The following TMEM178B variants were observed in gnomAD, a reference collection of about 807,000 sequenced individuals.
TMEM178B encodes transmembrane protein 178B.
Under a neutral mutation model 31.0 loss-of-function variants are expected in TMEM178B, and 5 were observed. The ratio of observed to expected loss-of-function variants is 0.16; its 90% CI spans 0.08 to 0.34. The LOEUF is 0.34. Among genes scored for constraint, TMEM178B ranks in the 10% least tolerant of loss-of-function variants. The pLI is 1.00. For missense variants in TMEM178B, 275 were observed against 400.3 expected, an observed-to-expected ratio of 0.69 and a Z score of 2.67; for synonymous variants, 164 against 164.0, an observed-to-expected ratio of 1.00 and a Z score of 0.00.
In TMEM178B at chr7:141,165,717, T is replaced by G. The variant is rs576016276; in HGVS notation, c.383-46874T>G. Among the ~76,000 whole-genome samples, 5 of 152,344 alleles carry G rather than the reference T, an allele frequency of 3.3e-5. No individual in the cohort carries two copies. The South Asian group carries it at 8.3e-4, about 25-fold the overall frequency. On this transcript the variant is annotated intron_variant, in intron 1 of 3. Transcript: ENST00000565468. ...ACAGCTGGAATTTAGTGTAGTGTAA[T>G]GAGTGGTGAAGAGCTTTGACTGGGG...
chr7:141,138,853 A>G (rs987823012), intron 1 of TMEM178B, among the ~76,000 whole-genome samples: 1 of 151,796 alleles, frequency 6.6e-6, no homozygotes, highest in Non-Finnish European at 1.5e-5. Context: ...GTGTGGTGGC[A>G]CGTGCCTGTA....
intron 1 of TMEM178B, among the ~76,000 whole-genome samples, chr7:141,138,779 G>C (rs1359473912): frequency 6.6e-6 from 1 of 151,708 alleles, no homozygotes; most frequent in Non-Finnish European, 1.5e-5. Context: ...TCAGGAGACC[G>C]AGACCATCCT....
At chr7:141,312,939 A>G (rs1225153124) in intron 2 of TMEM178B, among the ~76,000 whole-genome samples, 3 of 152,182 alleles carry the variant, frequency 2.0e-5, no homozygotes. Flanking sequence ...AGTTTTAAAT[A>G]ACAGATGTCC....
chr7:141,421,562 G>A (rs1200520673), intron 2 of TMEM178B, among the ~76,000 whole-genome samples: 1 of 152,184 alleles, frequency 6.6e-6, no homozygotes, highest in East Asian at 1.9e-4. Context: ...TCTCACCCTA[G>A]TTCTGCTGCT....
chr7:141,506,480 CT>C, the TMEM178B span, among the ~76,000 whole-genome samples: 3 of 152,172 alleles, frequency 2.0e-5, no homozygotes, highest in Non-Finnish European at 4.4e-5. Context: ...GGAGAAACCC[CT>C]GATAAACCCA....
intron 2 of TMEM178B, among the ~76,000 whole-genome samples, chr7:141,301,472 T>TC (rs1798725217): frequency 6.6e-6 from 1 of 152,194 alleles, no homozygotes; most frequent in Non-Finnish European, 1.5e-5. Flanking sequence ...ATTTTTTTTT[T>TC]CTCTTGTAGG....
chr7:141,188,997 C>G (rs1307685195), intron 1 of TMEM178B, among the ~76,000 whole-genome samples: 5 of 152,210 alleles, frequency 3.3e-5, no homozygotes, highest in South Asian at 2.1e-4. Flanking sequence ...GAATCAGGCC[C>G]AAACCGAGGA....
intron 2 of TMEM178B, among the ~76,000 whole-genome samples, chr7:141,331,125 T>G (rs965085592): frequency 6.6e-6 from 1 of 152,142 alleles, no homozygotes; most frequent in African/African-American, 2.4e-5. Flanking sequence ...GCTATTCTAG[T>G]GGAGCTATTA....
rs55726735 is a variant in TMEM178B at position 141,215,337 on chromosome 7, A to ATTATTATTAT, written c.496+2635_496+2636insATTATTATTT. On this transcript the variant is annotated intron_variant, in intron 2 of 3. Transcript: ENST00000565468. ...CATCTTTATTATTATTATTATTATT[A>ATTATTATTAT]TTTTTTGAGATGGAGTCTCACTCTG... Among the ~76,000 whole-genome samples, 40 of 141,556 alleles carry ATTATTATTAT rather than the reference A, an allele frequency of 2.8e-4. 1 individual carries two copies. The East Asian group carries it at 3.1e-3, about 11-fold the overall frequency. The allele number at this position is 141,556 out of a possible 152,430, so 92.9% of individuals were successfully genotyped here. A position where few individuals can be genotyped will look rare whatever the true frequency, so the allele number is the denominator to read the frequency against.
chr7:141,145,979 T>C (rs771896950), intron 1 of TMEM178B, among the ~76,000 whole-genome samples: 1 of 152,226 alleles, frequency 6.6e-6, no homozygotes, highest in Non-Finnish European at 1.5e-5. Flanking sequence ...TAACTATTTG[T>C]TGGAGTAACA....
chr7:141,115,306 G>T (rs781068867), intron 1 of TMEM178B, among the ~76,000 whole-genome samples: 4 of 152,072 alleles, frequency 2.6e-5, no homozygotes, highest in Non-Finnish European at 5.9e-5. Context: ...CTCCCAAAGT[G>T]CTGGGATTAC....
intron 2 of TMEM178B, among the ~76,000 whole-genome samples, chr7:141,366,100 G>A (rs1305891253): frequency 6.6e-6 from 1 of 152,218 alleles, no homozygotes; most frequent in Non-Finnish European, 1.5e-5. Context: ...CACCCTGGAA[G>A]GGATGTGGTA....
intron 2 of TMEM178B, among the ~76,000 whole-genome samples, chr7:141,413,972 C>G (rs1801051308): frequency 6.6e-6 from 1 of 151,646 alleles, no homozygotes; most frequent in African/African-American, 2.4e-5. Context: ...TTATTATTAT[C>G]ATTAGTGTTT....
At chr7:141,358,685 C>T (rs1411396968) in intron 2 of TMEM178B, among the ~76,000 whole-genome samples, 1 of 151,868 alleles carries the variant, frequency 6.6e-6, no homozygotes, top group Non-Finnish European at 1.5e-5. Context: ...ATCTAGATGC[C>T]TACTTCCTTT....
intron 1 of TMEM178B, among the ~76,000 whole-genome samples, chr7:141,166,188 A>G (rs896845017): frequency 3.3e-5 from 5 of 152,168 alleles, no homozygotes; most frequent in African/African-American, 1.2e-4. Context: ...CCTTCTTCCC[A>G]ATTATGAAGT....
chr7:141,459,096 C>T (rs1802016254), intron 3 of TMEM178B, among the ~76,000 whole-genome samples: 1 of 152,210 alleles, frequency 6.6e-6, no homozygotes, highest in Non-Finnish European at 1.5e-5. Context: ...ATGGCGTGAT[C>T]TCGGCTCACT....
chr7:141,312,622 C>A (rs960837930), intron 2 of TMEM178B, among the ~76,000 whole-genome samples: 2 of 152,174 alleles, frequency 1.3e-5, no homozygotes, highest in South Asian at 4.1e-4. Flanking sequence ...GTATTCAACT[C>A]GCAAAGTCAA....
intron 2 of TMEM178B, among the ~76,000 whole-genome samples, chr7:141,394,682 A>G (rs968052692): frequency 3.3e-5 from 5 of 152,114 alleles, no homozygotes; most frequent in Admixed American, 3.3e-4. Context: ...TTCTCCCAAC[A>G]CCAGTGTTCA....
chr7:141,505,510 C>A, the TMEM178B span, among the ~76,000 whole-genome samples: 1 of 152,180 alleles, frequency 6.6e-6, no homozygotes, highest in Non-Finnish European at 1.5e-5. Flanking sequence ...TTGCCCTGGG[C>A]CTGGCAAGTC....
Sources: gnomAD v4.1 joint callset for allele counts (sites outside exome capture counted in the v4.1 genomes callset) on GRCh38, gnomAD v4.1.1 for gene constraint, MANE v1.5 for transcripts, NCBI Gene and HGNC (gene_info 2026-07-23, HGNC 2026-07-21) for gene names.